FRAS1: variants seen among roughly 807,000 people sequenced by gnomAD.
FRAS1 encodes the protein Fraser extracellular matrix complex subunit 1.
A neutral mutation model predicts 435.2 loss-of-function variants in FRAS1; 290 were observed. That is an observed-to-expected ratio of 0.67 (90% CI 0.61 to 0.73). The LOEUF (loss-of-function observed/expected upper bound fraction) is 0.73. Among genes scored for constraint, FRAS1 ranks in the 30% least tolerant of loss-of-function variants. The probability of loss-of-function intolerance (pLI) is 0.00; values close to 1 mark genes in which losing one functional copy is unlikely to be tolerated. For missense variants in FRAS1, 4,860 were observed against 5,001.5 expected, an observed-to-expected ratio of 0.97 and a Z score of 0.85; for synonymous variants, 1,800 against 1,851.0, an observed-to-expected ratio of 0.97 and a Z score of 0.71.
chr4:78,379,462 TG>T, intron 26 of FRAS1: 1 of 407,202 alleles, frequency 2.5e-6, no homozygotes, highest in Admixed American at 4.6e-5. Context: ...GACCTCCCAC[TG>T]GCAGGCAAAG....
intron 56 of FRAS1, among the ~76,000 whole-genome samples, chr4:78,481,117 G>T (rs367998696): frequency 6.6e-6 from 1 of 152,178 alleles, no homozygotes; most frequent in East Asian, 1.9e-4. Context: ...CAGCATGTTG[G>T]CTAGAAAATG....
chr4:78,404,606 C>G (rs1357813043), intron 30 of FRAS1, among the ~76,000 whole-genome samples: 1 of 152,200 alleles, frequency 6.6e-6, no homozygotes, highest in African/African-American at 2.4e-5. Context: ...ATCCAGTCAT[C>G]TATCCCAATA....
intron 26 of FRAS1, 131 bp downstream of exon 26, chr4:78,376,010 T>C (rs754716315): frequency 2.0e-6 from 2 of 979,414 alleles, no homozygotes; most frequent in South Asian, 1.5e-5. Flanking sequence ...CCCATGGTGC[T>C]ACTAAGGAGT....
intron 4 of FRAS1, among the ~76,000 whole-genome samples, chr4:78,250,178 A>G (rs1453387662): frequency 6.6e-6 from 1 of 152,112 alleles, no homozygotes; most frequent in Non-Finnish European, 1.5e-5. Flanking sequence ...AATTTGGAAA[A>G]GAGAAAAGTA....
rs115372444 is a variant in FRAS1, at chr4:78,200,554, C to T, written c.109-36956C>T. ...CTTGGAGGCTGTCTTTCACCTTTTT[C>T]TCTGTGTTATTTTGAAGCGGGTAAA... is the stretch of plus-strand genomic sequence containing the variant. On this transcript the variant is annotated intron_variant, in intron 2 of 73. Transcript: ENST00000512123. Among the ~76,000 whole-genome samples the T allele has an allele frequency of 3.4e-3, 519 of 152,164 alleles. 5 individuals carry two copies. The highest frequency in any genetic ancestry group is 0.012 in the African/African-American group (481 of 41,530).
intron 2 of FRAS1, among the ~76,000 whole-genome samples, chr4:78,185,254 A>G (rs1190437750): frequency 6.6e-6 from 1 of 152,214 alleles, no homozygotes; most frequent in Admixed American, 6.5e-5. Context: ...GTTGAAAGCA[A>G]ATAGAGTGAA....
intron 29 of FRAS1, among the ~76,000 whole-genome samples, chr4:78,390,698 A>C (rs1732410448): frequency 6.6e-6 from 1 of 152,242 alleles, no homozygotes; most frequent in Non-Finnish European, 1.5e-5. Flanking sequence ...CAAGAAGAAA[A>C]AAATGCCTCA....
At chr4:78,227,126 C>T (rs1031397681) in intron 2 of FRAS1, among the ~76,000 whole-genome samples, 10 of 152,222 alleles carry the variant, frequency 6.6e-5, no homozygotes, top group African/African-American at 2.4e-4. Context: ...AAATACAGTA[C>T]AGCCTTTCCT....
At chr4:78,256,128 A>C (rs1375605693) in intron 6 of FRAS1, among the ~76,000 whole-genome samples, 5 of 152,222 alleles carry the variant, frequency 3.3e-5, no homozygotes. Flanking sequence ...CTTTGTGTCA[A>C]ATGAAACAAA....
Position 78,473,418 on chromosome 4 carries a change from G to A in FRAS1, c.7523-20G>A, listed in dbSNP as rs1719767728. ...CGTTACATCCCTGGGTTAATTCACA[G>A]TGAGTCTTTTTTCTCACAGAGGATG... On this transcript the variant is annotated intron_variant, in intron 52 of 73. Transcript: ENST00000512123. The A allele has an allele frequency of 4.4e-6, 7 of 1,606,238 alleles. No homozygotes were observed. In the South Asian group the frequency reaches 7.8e-5, roughly 18 times the overall value.
intron 49 of FRAS1, among the ~76,000 whole-genome samples, chr4:78,465,692 G>T (rs1208073645): frequency 1.5e-5 from 2 of 134,684 alleles, no homozygotes; most frequent in Admixed American, 1.6e-4. Context: ...GGTCACAGAG[G>T]GCCATGCTGG....
chr4:78,257,879 C>G (rs1725862436), intron 6 of FRAS1, among the ~76,000 whole-genome samples: 1 of 152,138 alleles, frequency 6.6e-6, no homozygotes, highest in Non-Finnish European at 1.5e-5. Context: ...TGTCCAGATT[C>G]TTTGTAAACA....
intron 13 of FRAS1, among the ~76,000 whole-genome samples, chr4:78,285,434 C>CTTTTTT (rs143667746): frequency 2.7e-5 from 4 of 145,600 alleles, no homozygotes; most frequent in Non-Finnish European, 3.0e-5. Context: ...CTTCCATATT[C>CTTTTTT]TTTTTTTTTT....
chr4:78,302,137 G>T (rs1260800), intron 14 of FRAS1, among the ~76,000 whole-genome samples: 53,780 of 149,094 alleles, frequency 0.36, 10,805 homozygotes, highest in African/African-American at 0.51. Flanking sequence ...AGTTTACTGA[G>T]AATGATGATT....
chr4:78,192,094 C>T (rs1722565005), intron 2 of FRAS1, among the ~76,000 whole-genome samples: 2 of 152,168 alleles, frequency 1.3e-5, no homozygotes, highest in South Asian at 2.1e-4. Flanking sequence ...TATTGATTTT[C>T]GTATGTTGAA....
In FRAS1 at chr4:78,522,649, G is replaced by T. The variant is rs1363262904; in HGVS notation, c.10649G>T (p.Gly3550Val). Residue 3550 changes from glycine (G) to valine (V), a missense_variant and splice_region_variant, in exon 69 of 74, where the codon GGA (glycine) becomes GTA (valine). Transcript: ENST00000512123. The stretch of plus-strand genomic sequence containing the variant: ...ATGCATGTGTTTCCCCTTCAAATAG[G>T]ACAGTTTGTGATGGAGCATCACACT... The part of the protein sequence containing the change: ...IEFKTHAKFR[G>V]QFVMEHHTLP... The T allele has an allele frequency of 1.3e-6, 2 of 1,598,404 alleles. No homozygotes were observed. Among genetic ancestry groups the T allele is most frequent in the Non-Finnish European group, 1.7e-6 (2 of 1,171,784 alleles).
chr4:78,337,674 A>C lies in FRAS1; in HGVS notation c.2279A>C (p.Glu760Ala). The C allele has an allele frequency of 6.2e-7, 1 of 1,611,448 alleles. No homozygotes were observed. ...ATCCTGGTTTTCGTCCCCCTGCCAG[A>C]GTGTCACCCAACCTGCAGGCAGTGT... ...GYFHQEGSCT[E>A]CHPTCRQCHG... Residue 760 changes from glutamate (E) to alanine (A), a missense_variant and splice_region_variant, in exon 20 of 74, where the codon GAG becomes GCG. Physicochemically the swap from Glu to Ala is moderately radical, Grantham distance 107. Transcript: ENST00000512123.
intron 2 of FRAS1, among the ~76,000 whole-genome samples, chr4:78,209,143 T>TA (rs988264222): frequency 3.8e-4 from 56 of 147,596 alleles, no homozygotes; most frequent in Admixed American, 1.8e-3. Context: ...AGACCCCATG[T>TA]AAAAAAAACA....
chr4:78,241,730 C>CCCTCT (rs2110119619), intron 3 of FRAS1, among the ~76,000 whole-genome samples: 1 of 152,222 alleles, frequency 6.6e-6, no homozygotes, highest in Admixed American at 6.5e-5. Flanking sequence ...GTGCTAAAAA[C>CCCTCT]CAGGAGGCCC....
Sources: allele counts gnomAD v4.1 joint callset (sites outside exome capture counted in the v4.1 genomes callset), GRCh38; gene constraint gnomAD v4.1.1; transcripts MANE v1.5; gene names NCBI Gene and HGNC (gene_info 2026-07-23, HGNC 2026-07-21).